Variants in CMIP observed in about 807,000 individuals in gnomAD.
The protein encoded by CMIP is C-Maf-inducing protein.
CMIP carries 13 observed loss-of-function variants against 97.3 expected under a neutral mutation model. The observed-to-expected ratio is 0.13, with a 90% CI of 0.09 to 0.21. The LOEUF is 0.21. CMIP is among the 10% of genes least tolerant of loss of function. The probability of loss-of-function intolerance (pLI) is 1.00; values close to 1 mark genes in which losing one functional copy is unlikely to be tolerated. For synonymous variants in CMIP, 538 were observed against 436.3 expected (o/e 1.23, Z -2.91); for missense variants, 847 against 1,024.9 (o/e 0.83, Z 2.37).
chr16:81,584,928 G>A (rs1327742922), intron 1 of CMIP, among the ~76,000 whole-genome samples: 2 of 152,206 alleles, frequency 1.3e-5, no homozygotes, highest in East Asian at 3.8e-4. Context: ...GAGAGCAGAG[G>A]CTTTGAAATG....
intron 3 of CMIP, among the ~76,000 whole-genome samples, chr16:81,649,339 G>C (rs980567075): frequency 6.6e-6 from 1 of 152,282 alleles, no homozygotes; most frequent in African/African-American, 2.4e-5. Flanking sequence ...ATGAGCTGAG[G>C]CTGGGTGTAC....
At chr16:81,559,628 T>A (rs975846218) in intron 1 of CMIP, among the ~76,000 whole-genome samples, 6 of 151,870 alleles carry the variant, frequency 4.0e-5, no homozygotes, top group African/African-American at 1.4e-4. Context: ...ATTGCTCAGG[T>A]GTTGGTGGTG....
chr16:81,571,355 G>A (rs961981453), intron 1 of CMIP, among the ~76,000 whole-genome samples: 1 of 151,990 alleles, frequency 6.6e-6, no homozygotes, highest in Non-Finnish European at 1.5e-5. Context: ...TATAGTTCCA[G>A]TTACTCAGGA....
chr16:81,633,904 A>C (rs1286531800), intron 3 of CMIP, among the ~76,000 whole-genome samples: 1 of 152,222 alleles, frequency 6.6e-6, no homozygotes, highest in Non-Finnish European at 1.5e-5. Flanking sequence ...CAGACCATTC[A>C]TCATGTCTGT....
At chr16:81,497,081 C>T (rs987053379) in intron 1 of CMIP, among the ~76,000 whole-genome samples, 1 of 152,204 alleles carries the variant, frequency 6.6e-6, no homozygotes, top group Non-Finnish European at 1.5e-5. Flanking sequence ...GACCCTGGGC[C>T]TCCCAGGCAC....
At chr16:81,529,447 C>T (rs2150819963) in intron 1 of CMIP, among the ~76,000 whole-genome samples, 1 of 152,104 alleles carries the variant, frequency 6.6e-6, no homozygotes, top group East Asian at 1.9e-4. Flanking sequence ...GCTTGTTGGT[C>T]TTCGAGGAGA....
intron 10 of CMIP, among the ~76,000 whole-genome samples, chr16:81,679,547 T>G (rs527335936): frequency 6.6e-6 from 1 of 152,048 alleles, no homozygotes; most frequent in Admixed American, 6.5e-5. Flanking sequence ...GAGTCTGTCT[T>G]GGGTATGTGG....
intron 1 of CMIP, among the ~76,000 whole-genome samples, chr16:81,593,712 C>G (rs796826320): frequency 2.2e-4 from 33 of 152,266 alleles, no homozygotes; most frequent in African/African-American, 7.9e-4. Flanking sequence ...CAAATGGATC[C>G]TCGCCTCACC....
rs575649552 is a variant in CMIP at position 81,505,424 on chromosome 16, G to A, written c.300+59883G>A. On this transcript the variant is annotated intron_variant, in intron 1 of 20. Transcript: ENST00000537098. ...GCCTGGAGAGCTGCTGATCTTGTGC[G>A]TTTTGTCCATTTGCACCCTGGTTTT... Among the ~76,000 whole-genome samples, 30 of 152,278 alleles carry A rather than the reference G, an allele frequency of 2.0e-4. No individual in the cohort carries two copies. The South Asian group carries it at 2.3e-3, about 12-fold the overall frequency.
chr16:81,703,763 C>T (rs146606858), intron 17 of CMIP, 176 bp from the exon 18 acceptor site: 8,012 of 785,220 alleles, frequency 0.01, 65 homozygotes, highest in Middle Eastern at 0.016. Context: ...CCTCTCTGGC[C>T]ACCCCCTTGG....
rs1378763573 is a variant in CMIP at position 81,453,397 on chromosome 16, G to A, written c.300+7856G>A. The stretch of plus-strand genomic sequence containing the variant: ...GCTGGGCTGGCTGCATCCAGCTCAG[G>A]TGGGGTCATATGGAGAAGGAAGATC... On this transcript the variant is annotated intron_variant, in intron 1 of 20. Transcript: ENST00000537098. The surrounding 1 kb of genome is among the most constrained non-coding windows in gnomAD (Gnocchi z 4.0). 1.3e-5 allele frequency among the ~76,000 whole-genome samples: 2 copies of A among 152,224 alleles called. No homozygotes were observed. Among genetic ancestry groups the A allele is most frequent in the Non-Finnish European group, 2.9e-5 (2 of 68,040 alleles).
At chr16:81,646,006 C>T (rs568149836) in intron 3 of CMIP, among the ~76,000 whole-genome samples, 2 of 151,766 alleles carry the variant, frequency 1.3e-5, no homozygotes, top group African/African-American at 2.4e-5. Context: ...GTGCTTGGCA[C>T]GTCATAGTAG....
intron 1 of CMIP, among the ~76,000 whole-genome samples, chr16:81,499,379 G>A (rs756492365): frequency 2.0e-4 from 31 of 152,074 alleles, no homozygotes; most frequent in African/African-American, 5.1e-4. Flanking sequence ...CCCAAGCCTC[G>A]CCCCAATCTC....
chr16:81,652,131 T>G lies in CMIP; in HGVS notation c.478-72T>G, dbSNP rs2092435211. ...CTTTACACCCTAACCCATCTGATTC[T>G]TTGATTGTCTTCCATCTTCTGCCTT... On this transcript the variant is annotated intron_variant, in intron 3 of 20. Coordinates refer to ENST00000537098, the MANE Select transcript of CMIP (RefSeq NM_198390.3). The surrounding 1 kb of genome is among the most constrained non-coding windows in gnomAD (Gnocchi z 5.2). 1 of 1,293,784 alleles carries G rather than the reference T, an allele frequency of 7.7e-7. No homozygotes were observed. Among genetic ancestry groups the G allele is most frequent in the Non-Finnish European group, 1.1e-6 (1 of 904,926 alleles). 80.1% of individuals were successfully genotyped at this position (1,293,784 alleles called of 1,614,324 possible). A position where few individuals can be genotyped will look rare whatever the true frequency, so the allele number is the denominator to read the frequency against.
chr16:81,634,697 T>A (rs996717362), intron 3 of CMIP, among the ~76,000 whole-genome samples: 5 of 152,180 alleles, frequency 3.3e-5, no homozygotes, highest in African/African-American at 1.2e-4. Flanking sequence ...CATTAGAGAC[T>A]TACTGAACAT....
intron 1 of CMIP, among the ~76,000 whole-genome samples, chr16:81,485,127 G>A (rs2089295611): frequency 1.3e-5 from 2 of 152,086 alleles, no homozygotes; most frequent in South Asian, 4.1e-4. Flanking sequence ...TTTTTATTCC[G>A]ACATCATTTG....
At chr16:81,546,694 A>G (rs2090552631) in intron 1 of CMIP, among the ~76,000 whole-genome samples, 1 of 152,190 alleles carries the variant, frequency 6.6e-6, no homozygotes, top group Non-Finnish European at 1.5e-5. Flanking sequence ...GGTGAGAACC[A>G]AGTGCTGTTC....
At chr16:81,624,991 C>T (rs1430048108) in intron 3 of CMIP, among the ~76,000 whole-genome samples, 1 of 152,254 alleles carries the variant, frequency 6.6e-6, no homozygotes, top group East Asian at 1.9e-4. Flanking sequence ...TACTTCCTCT[C>T]ACTGAATAGG....
At chr16:81,699,859 C>A in intron 15 of CMIP, 58 bp downstream of exon 15, 2 of 1,198,724 alleles carry the variant, frequency 1.7e-6, no homozygotes, top group Non-Finnish European at 2.4e-6. Context: ...CTTGTCCGTG[C>A]CGATAGAGCA....
Sources: allele counts gnomAD v4.1 joint callset (sites outside exome capture counted in the v4.1 genomes callset), GRCh38; gene constraint gnomAD v4.1.1; non-coding constraint Gnocchi (gnomAD v3.1); transcripts MANE v1.5; gene names NCBI Gene and HGNC (gene_info 2026-07-23, HGNC 2026-07-21).